FRMD4B: variants seen among roughly 807,000 people sequenced by gnomAD.
FRMD4B encodes the protein FERM domain containing 4B, also known as FERM domain-containing protein 4B.
A neutral mutation model predicts 141.5 loss-of-function variants in FRMD4B; 74 were observed. That is an observed-to-expected ratio of 0.52 (90% CI 0.43 to 0.63). The LOEUF is 0.63. Ranked by LOEUF, FRMD4B falls within the 30% of genes least tolerant of loss-of-function variation. The pLI, the probability that FRMD4B is intolerant of heterozygous loss-of-function variation, is 0.00. For missense variants in FRMD4B, 1,366 were observed against 1,253.4 expected, an observed-to-expected ratio of 1.09 and a Z score of -1.36; for synonymous variants, 506 against 467.9, an observed-to-expected ratio of 1.08 and a Z score of -1.05.
At chr3:69,437,729 T>C (rs1393677679) in intron 1 of FRMD4B, among the ~76,000 whole-genome samples, 1 of 130,708 alleles carries the variant, frequency 7.7e-6, no homozygotes, top group Non-Finnish European at 1.5e-5. Context: ...TATAAATACA[T>C]ATTATATACA....
chr3:69,396,830 A>G (rs1380667628), intron 2 of FRMD4B, among the ~76,000 whole-genome samples: 2 of 152,220 alleles, frequency 1.3e-5, no homozygotes. Context: ...ATTCCTAAGT[A>G]TGTGCCCCAC....
intron 1 of FRMD4B, among the ~76,000 whole-genome samples, chr3:69,510,832 G>C (rs1251301992): frequency 6.6e-6 from 1 of 152,156 alleles, no homozygotes; most frequent in Non-Finnish European, 1.5e-5. Flanking sequence ...CAGTTTTCAT[G>C]CCTGACCTTT....
chr3:69,352,716 T>G (rs1474334745), intron 1 of FRMD4B, among the ~76,000 whole-genome samples: 2 of 152,210 alleles, frequency 1.3e-5, no homozygotes, highest in Non-Finnish European at 2.9e-5. Context: ...CATAAAAGTT[T>G]TATTAATTAA....
chr3:69,415,919 T>A (rs892111248), intron 2 of FRMD4B, among the ~76,000 whole-genome samples: 4 of 152,206 alleles, frequency 2.6e-5, no homozygotes, highest in African/African-American at 9.7e-5. Context: ...AAGACAGTAG[T>A]ACTGGCTATT....
intron 21 of FRMD4B, among the ~76,000 whole-genome samples, chr3:69,176,869 A>C (rs1421911159): frequency 6.6e-6 from 1 of 152,086 alleles, no homozygotes; most frequent in African/African-American, 2.4e-5. Context: ...TTCCTCATCT[A>C]TAGAGTAGGG....
At chr3:69,393,838 G>C (rs377165590) in intron 2 of FRMD4B, among the ~76,000 whole-genome samples, 2 of 152,162 alleles carry the variant, frequency 1.3e-5, no homozygotes, top group Admixed American at 1.3e-4. Flanking sequence ...ACAAGTAGGA[G>C]AAAGTTATTT....
chr3:69,270,575 T>TTCTTTTTC (rs1423657825), intron 5 of FRMD4B, among the ~76,000 whole-genome samples: 1 of 148,882 alleles, frequency 6.7e-6, no homozygotes, highest in Non-Finnish European at 1.5e-5. Flanking sequence ...TTTTCTTTTT[T>TTCTTTTTC]TTTTTTTTTG....
intron 1 of FRMD4B, among the ~76,000 whole-genome samples, chr3:69,376,419 T>C (rs1170649135): frequency 2.0e-5 from 3 of 151,912 alleles, no homozygotes; most frequent in Non-Finnish European, 4.4e-5. Flanking sequence ...AGGCCTAGCA[T>C]ATAGAAAGGC....
chr3:69,349,636 A>G (rs1372215644), intron 1 of FRMD4B, among the ~76,000 whole-genome samples: 1 of 152,126 alleles, frequency 6.6e-6, no homozygotes, highest in Non-Finnish European at 1.5e-5. Context: ...ATATAGACCA[A>G]TGGAACAGAA....
At chr3:69,323,608 G>T (rs867676680) in intron 1 of FRMD4B, among the ~76,000 whole-genome samples, 2 of 101,702 alleles carry the variant, frequency 2.0e-5, no homozygotes, top group Non-Finnish European at 1.9e-5. Context: ...CTCTCTCTGT[G>T]TATATATATA....
At chr3:69,517,639 A>G (rs1700786116) in intron 1 of FRMD4B, among the ~76,000 whole-genome samples, 1 of 152,210 alleles carries the variant, frequency 6.6e-6, no homozygotes, top group Admixed American at 6.5e-5. Context: ...CTCCAGGGAC[A>G]TGCTGTGAAA....
intron 18 of FRMD4B, among the ~76,000 whole-genome samples, chr3:69,189,222 CAAAAAAA>C (rs71115659): frequency 5.5e-4 from 22 of 39,778 alleles, no homozygotes; most frequent in South Asian, 1.4e-3. Context: ...AACTCCATCT[CAAAAAAA>C]AAAAAAAAAA....
intron 1 of FRMD4B, among the ~76,000 whole-genome samples, chr3:69,524,387 C>T (rs1314188773): frequency 6.6e-6 from 1 of 152,224 alleles, no homozygotes; most frequent in East Asian, 1.9e-4. Context: ...TAATCCAAAT[C>T]TTCCTGACTC....
chr3:69,426,799 A>G (rs1490902017), intron 2 of FRMD4B, among the ~76,000 whole-genome samples: 4 of 152,184 alleles, frequency 2.6e-5, no homozygotes, highest in Admixed American at 1.3e-4. Flanking sequence ...AGATAAGCCC[A>G]CAGATGCGCT....
intron 7 of FRMD4B, among the ~76,000 whole-genome samples, chr3:69,225,482 T>C (rs1362815539): frequency 2.3e-5 from 3 of 128,270 alleles, no homozygotes; most frequent in Admixed American, 1.0e-4. Context: ...GAGACCATCC[T>C]GGCTAACACG....
intron 1 of FRMD4B, among the ~76,000 whole-genome samples, chr3:69,374,358 T>A (rs1487550794): frequency 6.6e-6 from 1 of 152,226 alleles, no homozygotes; most frequent in Non-Finnish European, 1.5e-5. Flanking sequence ...TCTATTTCCC[T>A]ATTTTATCAA....
intron 5 of FRMD4B, among the ~76,000 whole-genome samples, chr3:69,275,985 A>G (rs905075132): frequency 6.6e-6 from 1 of 152,164 alleles, no homozygotes; most frequent in Non-Finnish European, 1.5e-5. Flanking sequence ...CAATAATACT[A>G]TATTGACTGT....
chr3:69,420,290 C>CAAAAAAAA lies in FRMD4B; in HGVS notation c.-1+12336_-1+12343dup, dbSNP rs56707719. ...GTGTAACTTGTATGAAAAGGGATAT[C>CAAAAAAAA]AAAAAAAAAAAAAAACAACCAAAAC... On this transcript the variant is annotated intron_variant, in intron 2 of 5. Transcript: ENST00000459638. Among the ~76,000 whole-genome samples the CAAAAAAAA allele has an allele frequency of 1.7e-4, 22 of 131,996 alleles. 1 individual carries two copies. Among genetic ancestry groups the CAAAAAAAA allele is most frequent in the Admixed American group, 7.0e-4 (9 of 12,912 alleles). 86.6% of individuals were successfully genotyped at this position (131,996 alleles called of 152,430 possible).
At chr3:69,188,537 C>T (rs2092795563) in intron 18 of FRMD4B, among the ~76,000 whole-genome samples, 2 of 151,796 alleles carry the variant, frequency 1.3e-5, no homozygotes, top group South Asian at 4.2e-4. Flanking sequence ...GCGGGTGGAT[C>T]ATGAGGTCAG....
Sources: allele counts gnomAD v4.1 joint callset (sites outside exome capture counted in the v4.1 genomes callset), GRCh38; gene constraint gnomAD v4.1.1; transcripts MANE v1.5; gene names NCBI Gene and HGNC (gene_info 2026-07-23, HGNC 2026-07-21).